DMD: variants seen among roughly 807,000 people sequenced by gnomAD.
The protein encoded by DMD is dystrophin, also known as mutant dystrophin.
DMD carries 63 observed loss-of-function variants against 330.1 expected under a neutral mutation model. The ratio of observed to expected loss-of-function variants is 0.19; its 90% CI spans 0.16 to 0.24. The LOEUF (loss-of-function observed/expected upper bound fraction) is 0.24, where lower values mean the gene tolerates loss of function less well. Among genes scored for constraint, DMD ranks in the 10% least tolerant of loss-of-function variants. The probability of loss-of-function intolerance (pLI) is 1.00; values close to 1 mark genes in which losing one functional copy is unlikely to be tolerated. For synonymous variants in DMD, 1,223 were observed against 959.8 expected, an observed-to-expected ratio of 1.27 and a Z score of -5.07; for missense variants, 3,344 against 2,684.1, an observed-to-expected ratio of 1.25 and a Z score of -5.43.
At chrX:31,700,705 T>A (rs1348034114) in intron 52 of DMD, among the ~76,000 whole-genome samples, 1 of 112,263 alleles carries the variant, frequency 8.9e-6, no homozygotes, top group Non-Finnish European at 1.9e-5. Context: ...TGAAATGTGA[T>A]ATTATTTGAT....
Position 32,468,712 on chromosome X carries a change from TA to T in DMD, c.2950-3del. 1.7e-6 allele frequency: 2 copies of T among 1,198,894 alleles called. No individual in the cohort carries two copies. The highest frequency in any genetic ancestry group is 2.3e-6 in the Non-Finnish European group (2 of 884,878). On this transcript the variant is annotated splice_polypyrimidine_tract_variant and splice_region_variant and intron_variant, in intron 22 of 78. Coordinates refer to ENST00000357033, the MANE Select transcript of DMD (RefSeq NM_004006.3). Reference sequence around the variant, plus strand: ...CTCTTGCAGAGAACTTTGTAAAGCCTAAAAAACAATTTTTTAAATACATTTA... The same window carrying T: ...CTCTTGCAGAGAACTTTGTAAAGCCTAAAAACAATTTTTTAAATACATTTA...
chrX:32,472,381 C>T, intron 21 of DMD, 72 bp from the exon 22 acceptor site: 1 of 1,034,901 alleles, frequency 9.7e-7, no homozygotes, highest in Non-Finnish European at 1.3e-6. Flanking sequence ...CCTAAATTGT[C>T]AGCAAACTCA....
At chrX:31,398,911 G>A (rs1040314786) in intron 60 of DMD, among the ~76,000 whole-genome samples, 1 of 111,981 alleles carries the variant, frequency 8.9e-6, no homozygotes, top group Admixed American at 9.5e-5. Context: ...CTCATGGAAG[G>A]GGGAGCACAG....
At chrX:31,778,977 T>C (rs2090855074) in intron 50 of DMD, among the ~76,000 whole-genome samples, 1 of 111,907 alleles carries the variant, frequency 8.9e-6, no homozygotes, top group Non-Finnish European at 1.9e-5. Flanking sequence ...CATGTCATAG[T>C]ACTAGAAATA....
intron 7 of DMD, among the ~76,000 whole-genome samples, chrX:32,718,096 G>T (rs1245575821): frequency 9.0e-6 from 1 of 110,814 alleles, no homozygotes; most frequent in African/African-American, 3.3e-5. Context: ...TAAGACTTTG[G>T]GGAACTGTTG....
intron 44 of DMD, among the ~76,000 whole-genome samples, chrX:32,133,479 C>T (rs2096709491): frequency 9.0e-6 from 1 of 111,716 alleles, no homozygotes; most frequent in African/African-American, 3.3e-5. Context: ...AAACGTCCAA[C>T]CTGGACCTTT....
chrX:31,706,035 G>C (rs1260019322), intron 52 of DMD, among the ~76,000 whole-genome samples: 1 of 111,129 alleles, frequency 9.0e-6, no homozygotes, highest in Non-Finnish European at 1.9e-5. Flanking sequence ...ACGAAGCAAA[G>C]TGAACCTCTT....
intron 78 of DMD, 46 bp from the exon 79 acceptor site, chrX:31,121,976 A>C: frequency 1.0e-6 from 1 of 954,917 alleles, no homozygotes; most frequent in African/African-American, 1.9e-5. Context: ...AAAGGTGCAG[A>C]TAGATAGCAT....
chrX:31,729,997 C>T (rs1322479394), intron 51 of DMD, among the ~76,000 whole-genome samples: 1 of 111,646 alleles, frequency 9.0e-6, no homozygotes, highest in Non-Finnish European at 1.9e-5. Flanking sequence ...GGAGACATTC[C>T]GGAGTACCTC....
At chrX:32,535,214 T>C (rs1296233274) in intron 17 of DMD, among the ~76,000 whole-genome samples, 2 of 111,485 alleles carry the variant, frequency 1.8e-5, no homozygotes, top group Non-Finnish European at 3.8e-5. Flanking sequence ...TCACATAGTT[T>C]ATGAGCAGAA....
chrX:32,898,688 T>G (rs1008960646), intron 2 of DMD, among the ~76,000 whole-genome samples: 2 of 111,714 alleles, frequency 1.8e-5, no homozygotes, highest in Non-Finnish European at 3.8e-5. Flanking sequence ...ACTGTCATGG[T>G]GCTGGTGGGA....
chrX:31,611,540 T>C (rs753594871), intron 55 of DMD, among the ~76,000 whole-genome samples: 6 of 112,207 alleles, frequency 5.3e-5, no homozygotes, highest in Non-Finnish European at 7.5e-5. Context: ...TCCCCATTTT[T>C]GTATTGTGGC....
chrX:32,968,649 G>C (rs1462460738), intron 2 of DMD, among the ~76,000 whole-genome samples: 2 of 111,122 alleles, frequency 1.8e-5, no homozygotes, highest in African/African-American at 3.3e-5. Context: ...CAAAGTGATA[G>C]TATTAGGAGA....
chrX:32,196,668 T>C (rs1416014382), intron 44 of DMD, among the ~76,000 whole-genome samples: 1 of 110,596 alleles, frequency 9.0e-6, no homozygotes, highest in Non-Finnish European at 1.9e-5. Flanking sequence ...TACACATACA[T>C]ATATACTCTC....
chrX:31,878,950 A>G (rs2149696486), intron 47 of DMD, among the ~76,000 whole-genome samples: 1 of 111,685 alleles, frequency 9.0e-6, no homozygotes. Context: ...CATATCTATA[A>G]AAAGCATGTA....
At chrX:32,800,660 C>T (rs1305619502) in intron 7 of DMD, among the ~76,000 whole-genome samples, 2 of 110,542 alleles carry the variant, frequency 1.8e-5, no homozygotes, top group Non-Finnish European at 3.8e-5. Context: ...TGTACCAATC[C>T]GTCATCTATG....
chrX:31,123,623 C>A (rs971522180), intron 78 of DMD, among the ~76,000 whole-genome samples: 1 of 112,029 alleles, frequency 8.9e-6, no homozygotes, highest in Admixed American at 9.5e-5. Flanking sequence ...CATAATTATT[C>A]ATGCATAAAT....
intron 55 of DMD, among the ~76,000 whole-genome samples, chrX:31,569,730 T>C (rs1399324530): frequency 1.9e-5 from 2 of 104,463 alleles, no homozygotes; most frequent in Non-Finnish European, 4.0e-5. Flanking sequence ...AACATCTTAC[T>C]AATTCCTTCA....
At chrX:33,011,948 T>C (rs2093709783) in intron 2 of DMD, among the ~76,000 whole-genome samples, 2 of 111,560 alleles carry the variant, frequency 1.8e-5, no homozygotes, top group African/African-American at 6.5e-5. Flanking sequence ...CTGAGACCAC[T>C]CCAGAGAATA....
Sources: gnomAD v4.1 joint callset for allele counts (sites outside exome capture counted in the v4.1 genomes callset) on GRCh38, gnomAD v4.1.1 for gene constraint, MANE v1.5 for transcripts, NCBI Gene and HGNC (gene_info 2026-07-23, HGNC 2026-07-21) for gene names.